UGT3A1: variants seen among roughly 807,000 people sequenced by gnomAD.
UGT3A1 encodes UDP glycosyltransferase family 3 member A1.
In UGT3A1, 40 loss-of-function variants were observed where a neutral mutation model predicts 37.6. That is an observed-to-expected ratio of 1.06 (90% confidence interval 0.83 to 1.38). UGT3A1 has a LOEUF of 1.38. Ranked by LOEUF, UGT3A1 falls within the 40% of genes most tolerant of loss-of-function variation. The pLI is 0.00. For missense variants in UGT3A1, 642 were observed against 634.2 expected (o/e 1.01, Z -0.13); for synonymous variants, 256 against 232.3 (o/e 1.10, Z -0.93).
chr5:35,977,692 C>A (rs1740347465), intron 2 of UGT3A1, among the ~76,000 whole-genome samples: 1 of 152,320 alleles, frequency 6.6e-6, no homozygotes, highest in African/African-American at 2.4e-5. Flanking sequence ...GTCAAATAAA[C>A]CTCTTTTCTT....
chr5:35,994,900 G>A (rs1268955173), upstream of UGT3A1, among the ~76,000 whole-genome samples: 1 of 152,108 alleles, frequency 6.6e-6, no homozygotes, highest in Non-Finnish European at 1.5e-5. Context: ...TTAACCAAGT[G>A]GACCACTATA....
intron 2 of UGT3A1, among the ~76,000 whole-genome samples, chr5:35,973,346 C>G (rs1482579354): frequency 4.6e-5 from 7 of 152,022 alleles, no homozygotes; most frequent in African/African-American, 1.2e-4. Flanking sequence ...ATCTGGGGTA[C>G]ATGTGTAGAA....
At position 35,984,766 on chromosome 5, in the gene UGT3A1, C is replaced by A. The variant is rs546513179; in HGVS notation, c.196+3684G>T. 1.1e-3 allele frequency among the ~76,000 whole-genome samples: 160 copies of A among 152,162 alleles called. 1 individual carries two copies. The highest frequency in any genetic ancestry group is 3.7e-3 in the African/African-American group (155 of 41,486). On this transcript the variant is annotated intron_variant, in intron 2 of 6. Coordinates refer to ENST00000274278, the MANE Select transcript of UGT3A1 (RefSeq NM_152404.4). Reference sequence around the variant, plus strand: ...GAGATTACAGGTGTGAGCCACCACGCCCAGCCAATCTCACAGAATTTTTAT... The same window carrying A: ...GAGATTACAGGTGTGAGCCACCACGACCAGCCAATCTCACAGAATTTTTAT...
At chr5:35,964,893 C>T (rs1020450263) in intron 4 of UGT3A1, among the ~76,000 whole-genome samples, 1 of 152,152 alleles carries the variant, frequency 6.6e-6, no homozygotes, top group African/African-American at 2.4e-5. Flanking sequence ...CTAGGTGGAA[C>T]CAGGAGCCAG....
chr5:35,985,814 T>G (rs1740706869), intron 2 of UGT3A1, among the ~76,000 whole-genome samples: 1 of 152,064 alleles, frequency 6.6e-6, no homozygotes, highest in Non-Finnish European at 1.5e-5. Context: ...CTTTTTTAGT[T>G]AGACATCAAA....
rs980227829 is a variant in UGT3A1 at position 35,951,759 on chromosome 5, T to C, written c.*2443A>G. The C allele has an allele frequency of 2.0e-5, 3 of 152,312 alleles. No homozygotes were observed. Among genetic ancestry groups the C allele is most frequent in the Middle Eastern group, 3.4e-3 (1 of 294 alleles). The allele number at this position is 152,312 out of a possible 1,614,324, so 9.4% of individuals were successfully genotyped here. On this transcript the variant is annotated 3_prime_UTR_variant, in exon 7 of 7. Transcript: ENST00000274278. Reference sequence around the variant, plus strand: ...ATTTTTTCTTCCTATTTAGAAAGTCTCTCCCTATACACAGGCTATGGAAAA... The same window carrying C: ...ATTTTTTCTTCCTATTTAGAAAGTCCCTCCCTATACACAGGCTATGGAAAA...
At chr5:35,997,250 T>G (rs1741118759) in exon 2 of UGT3A1, 1 of 152,202 alleles carries the variant, frequency 6.6e-6, no homozygotes, top group Admixed American at 6.5e-5. Flanking sequence ...CAGCCAGTAT[T>G]TCTCAGTTGT....
chr5:35,987,785 T>G (rs1402457853), intron 2 of UGT3A1, among the ~76,000 whole-genome samples: 1 of 152,196 alleles, frequency 6.6e-6, no homozygotes, highest in Non-Finnish European at 1.5e-5. Flanking sequence ...TTCGCCCAAC[T>G]CTGTTATTAA....
chr5:35,999,187 A>G (rs1379894378), intron 1 of UGT3A1, among the ~76,000 whole-genome samples: 2 of 149,958 alleles, frequency 1.3e-5, no homozygotes, highest in Non-Finnish European at 3.0e-5. Flanking sequence ...CAGTGAGCCG[A>G]GATCACACCA....
intron 4 of UGT3A1, 26 bp from the exon 5 acceptor site, chr5:35,957,445 A>G (rs1478650311): frequency 6.2e-7 from 1 of 1,602,988 alleles, no homozygotes; most frequent in Non-Finnish European, 8.5e-7. Flanking sequence ...AAAAGAAAGG[A>G]GGTGGCAAAA....
chr5:35,996,824 A>C (rs7720615), intron 2 of UGT3A1, among the ~76,000 whole-genome samples: 117,340 of 152,130 alleles, frequency 0.77, 45,569 homozygotes, highest in South Asian at 0.89. Flanking sequence ...GAATAAAGAG[A>C]AGAAAGCAGT....
At chr5:35,968,165 A>T (rs377468495) in intron 2 of UGT3A1, 32 bp from the exon 3 acceptor site, 1 of 1,327,840 alleles carries the variant, frequency 7.5e-7, no homozygotes, top group Admixed American at 1.8e-5. Flanking sequence ...AAAAAGGTAA[A>T]TATATCATAC....
intron 2 of UGT3A1, 76 bp from the exon 3 acceptor site, chr5:35,968,209 G>T (rs1201475778): frequency 2.4e-6 from 2 of 827,582 alleles, no homozygotes. Flanking sequence ...TGATATTAAA[G>T]TTTTATTCTA....
intron 2 of UGT3A1, among the ~76,000 whole-genome samples, chr5:35,969,931 C>T (rs1739966601): frequency 6.6e-6 from 1 of 152,084 alleles, no homozygotes; most frequent in South Asian, 2.1e-4. Context: ...CTACTTGAGA[C>T]TGGATAATTT....
At chr5:35,956,930 T>A (rs1488384714) in intron 5 of UGT3A1, among the ~76,000 whole-genome samples, 1 of 152,186 alleles carries the variant, frequency 6.6e-6, no homozygotes, top group African/African-American at 2.4e-5. Flanking sequence ...CACATACATA[T>A]CACCTCTGGT....
In UGT3A1 at chr5:35,955,966, T is replaced by A. The variant is rs968961117; in HGVS notation, c.1076-102A>T. On this transcript the variant is annotated intron_variant, in intron 5 of 6. Transcript: ENST00000274278. ...ATGAAACACCAATGAAATCAAGGTC[T>A]GTTGAGAAAATGAATTCACTGATTT... is the stretch of plus-strand genomic sequence containing the variant. 40 of 1,197,184 alleles carry A rather than the reference T, an allele frequency of 3.3e-5. No homozygotes were observed. In the African/African-American group the frequency reaches 5.7e-4, roughly 17 times the overall value. The allele number at this position is 1,197,184 out of a possible 1,614,324, so 74.2% of individuals were successfully genotyped here.
In UGT3A1 at chr5:35,952,341, A is replaced by T. The variant is rs1467713248; in HGVS notation, c.*1861T>A. On this transcript the variant is annotated 3_prime_UTR_variant, in exon 7 of 7. Coordinates refer to ENST00000274278, the MANE Select transcript of UGT3A1 (RefSeq NM_152404.4). ...GCCAGGACCAAATCATAGAGCCCTT[A>T]TATTCCACACAATGGGAACAAAGAT... 6.6e-6 allele frequency: 1 copy of T among 152,232 alleles called. No homozygotes were observed. Among genetic ancestry groups the T allele is most frequent in the Non-Finnish European group, 1.5e-5 (1 of 68,044 alleles). 9.4% of individuals were successfully genotyped at this position (152,232 alleles called of 1,614,324 possible).
Position 35,997,237 on chromosome 5 carries a change from A to C in UGT3A1, c.-69+2T>G, listed in dbSNP as rs914592968. ...ACACACCCTTCTATCAACTGTACTC[A>C]CACAGCCAGTATTTCTCAGTTGTGG... On this transcript the variant is annotated splice_donor_variant, in intron 2 of 5. Transcript: ENST00000625798. LOFTEE classifies it low-confidence loss of function (5UTR_SPLICE). 4 of 152,160 alleles carry C rather than the reference A, an allele frequency of 2.6e-5. No homozygotes were observed. The highest frequency in any genetic ancestry group is 9.7e-5 in the African/African-American group (4 of 41,424). 9.4% of individuals were successfully genotyped at this position (152,160 alleles called of 1,614,324 possible). A position where few individuals can be genotyped will look rare whatever the true frequency, so the allele number is the denominator to read the frequency against.
At chr5:35,968,243 T>C (rs1160396370) in intron 2 of UGT3A1, 110 bp from the exon 3 acceptor site, 1 of 680,418 alleles carries the variant, frequency 1.5e-6, no homozygotes, top group Non-Finnish European at 2.3e-6. Flanking sequence ...TATGGAAATG[T>C]TTAAAGTTTT....
Sources: allele counts gnomAD v4.1 joint callset (sites outside exome capture counted in the v4.1 genomes callset), GRCh38; gene constraint gnomAD v4.1.1; transcripts MANE v1.5; gene names NCBI Gene and HGNC (gene_info 2026-07-23, HGNC 2026-07-21).